The following DPYSL2 variants were observed in gnomAD, a reference collection of about 807,000 sequenced individuals.
The protein encoded by DPYSL2 is dihydropyrimidinase-related protein 2.
In DPYSL2, 13 loss-of-function variants were observed where a neutral mutation model predicts 69.9. The ratio of observed to expected loss-of-function variants is 0.19; its 90% CI spans 0.12 to 0.30. The LOEUF (loss-of-function observed/expected upper bound fraction) is 0.30, where lower values mean the gene tolerates loss of function less well. Among genes scored for constraint, DPYSL2 ranks in the 10% least tolerant of loss-of-function variants. DPYSL2 has a pLI of 1.00. For synonymous variants in DPYSL2, 326 were observed against 359.1 expected (o/e 0.91, Z 1.04); for missense variants, 587 against 918.9 (o/e 0.64, Z 4.67).
chr8:26,611,999 C>T (rs1802240269), intron 3 of DPYSL2, among the ~76,000 whole-genome samples: 1 of 152,208 alleles, frequency 6.6e-6, no homozygotes, highest in Admixed American at 6.5e-5. Context: ...GGCACCAGAC[C>T]TAAGATGGTG....
At chr8:26,561,136 G>T (rs1801063642) in intron 1 of DPYSL2, among the ~76,000 whole-genome samples, 1 of 152,168 alleles carries the variant, frequency 6.6e-6, no homozygotes, top group Non-Finnish European at 1.5e-5. Flanking sequence ...TTTCTGAGTT[G>T]ATGCCCATCG....
chr8:26,598,260 C>T lies in DPYSL2; in HGVS notation c.628+14277C>T, dbSNP rs1391168580. Among the ~76,000 whole-genome samples, 7 of 152,298 alleles carry T rather than the reference C, an allele frequency of 4.6e-5. 1 individual carries two copies. The South Asian group carries it at 8.3e-4, about 18-fold the overall frequency. Reference sequence around the variant, plus strand: ...TGTGACTTTTGCCTTCAGCAGCCATCGCATTACATCATCTACCTTTTCTTG... The same window carrying T: ...TGTGACTTTTGCCTTCAGCAGCCATTGCATTACATCATCTACCTTTTCTTG... On this transcript the variant is annotated intron_variant, in intron 3 of 13. Coordinates refer to ENST00000521913, the MANE Select transcript of DPYSL2 (RefSeq NM_001197293.3). This position sits in a 1 kb window ranked among gnomAD's most constrained non-coding sequence, Gnocchi z 4.2.
chr8:26,532,357 G>A (rs887679466), intron 1 of DPYSL2, among the ~76,000 whole-genome samples: 2 of 152,106 alleles, frequency 1.3e-5, no homozygotes, highest in Admixed American at 6.6e-5. Flanking sequence ...ATGAACTTTG[G>A]TACAAGTATT....
At chr8:26,521,181 C>T (rs1808377707) in intron 1 of DPYSL2, among the ~76,000 whole-genome samples, 1 of 152,136 alleles carries the variant, frequency 6.6e-6, no homozygotes, top group Non-Finnish European at 1.5e-5. Flanking sequence ...TAACCTAGTA[C>T]CATAGGTACT....
chr8:26,541,422 A>G (rs1344079195), intron 1 of DPYSL2, among the ~76,000 whole-genome samples: 3 of 152,170 alleles, frequency 2.0e-5, no homozygotes, highest in East Asian at 3.8e-4. Flanking sequence ...TGTTTCTTCT[A>G]TCTGAAACAA....
chr8:26,529,240 C>A (rs1331077105), intron 1 of DPYSL2, among the ~76,000 whole-genome samples: 2 of 81,432 alleles, frequency 2.5e-5, no homozygotes, highest in African/African-American at 6.5e-5. Context: ...TTAAATCTAT[C>A]TATCTATCTA....
chr8:26,627,029 G>C lies in DPYSL2; in HGVS notation c.856-186G>C, dbSNP rs189189814. 9.8e-5 allele frequency among the ~76,000 whole-genome samples: 15 copies of C among 152,292 alleles called. No individual in the cohort carries two copies. Among genetic ancestry groups the C allele is most frequent in the African/African-American group, 3.1e-4 (13 of 41,560 alleles). ...TTGTACTGCCTCTGTTAATTTCTGAGGGGTCTTTCTCCATCAAATGTGGCC... is the reference window on the plus strand; with the variant it reads ...TTGTACTGCCTCTGTTAATTTCTGACGGGTCTTTCTCCATCAAATGTGGCC... On this transcript the variant is annotated intron_variant, in intron 5 of 13. Transcript: ENST00000521913. This position sits in a 1 kb window ranked among gnomAD's most constrained non-coding sequence, Gnocchi z 6.9.
chr8:26,608,451 T>C (rs1802156605), intron 3 of DPYSL2, among the ~76,000 whole-genome samples: 1 of 152,204 alleles, frequency 6.6e-6, no homozygotes, highest in Non-Finnish European at 1.5e-5. Context: ...GAGGGATACT[T>C]TGCATCTGGA....
rs1190784745 is a variant in DPYSL2, at chr8:26,657,028, A to G, written c.*1322A>G. On this transcript the variant is annotated 3_prime_UTR_variant, in exon 14 of 14. Transcript: ENST00000521913. ...GTTAAGTATCTTTTGAGATTCTAGA[A>G]CACATGGGAGCTTTTTATTTTCGGG... 3.9e-5 allele frequency: 6 copies of G among 152,146 alleles called. No individual in the cohort carries two copies. The highest frequency in any genetic ancestry group is 2.6e-4 in the Admixed American group (4 of 15,282). The allele number at this position is 152,146 out of a possible 1,614,324, so 9.4% of individuals were successfully genotyped here. A position where few individuals can be genotyped will look rare whatever the true frequency, so the allele number is the denominator to read the frequency against.
chr8:26,600,741 ACCCTTGAGCCCT>A (rs1369387721), intron 3 of DPYSL2, among the ~76,000 whole-genome samples: 1 of 151,996 alleles, frequency 6.6e-6, no homozygotes, highest in African/African-American at 2.4e-5. Context: ...CCCACTGAGG[ACCCTTGAGCCCT>A]CCCTCTAGGG....
At chr8:26,649,412 T>G (rs1007046442) in intron 11 of DPYSL2, among the ~76,000 whole-genome samples, 1 of 152,208 alleles carries the variant, frequency 6.6e-6, no homozygotes, top group Non-Finnish European at 1.5e-5. Flanking sequence ...TTTGGAGTTC[T>G]TAACCTAGAA....
chr8:26,568,099 A>G lies in DPYSL2; in HGVS notation c.355-13870A>G, dbSNP rs1801181385. ...TGATGGTTACTAACAGCACAACTGCATTCGGCTGTTTATTCTTTCAATGAT... is the reference window on the plus strand; with the variant it reads ...TGATGGTTACTAACAGCACAACTGCGTTCGGCTGTTTATTCTTTCAATGAT... On this transcript the variant is annotated intron_variant, in intron 1 of 13. Coordinates refer to ENST00000521913, the MANE Select transcript of DPYSL2 (RefSeq NM_001197293.3). Among the ~76,000 whole-genome samples the G allele has an allele frequency of 2.0e-5, 3 of 152,186 alleles. No homozygotes were observed. In the South Asian group the frequency reaches 6.2e-4, roughly 32 times the overall value.
chr8:26,558,542 G>A (rs11135944), intron 1 of DPYSL2, among the ~76,000 whole-genome samples: 133,162 of 152,252 alleles, frequency 0.87, 58,641 homozygotes, highest in East Asian at 0.99. Context: ...TTAAAACCAT[G>A]GAATATACAA....
chr8:26,557,426 G>T (rs542856361), intron 1 of DPYSL2, among the ~76,000 whole-genome samples: 36 of 151,932 alleles, frequency 2.4e-4, no homozygotes, highest in Non-Finnish European at 4.6e-4. Context: ...ATGTACTCAC[G>T]GCAAATAAGC....
intron 1 of DPYSL2, among the ~76,000 whole-genome samples, chr8:26,570,457 T>C (rs1316758710): frequency 6.6e-6 from 1 of 152,008 alleles, no homozygotes; most frequent in Non-Finnish European, 1.5e-5. Flanking sequence ...AGAACTAGCC[T>C]TGGCCAGGCG....
intron 1 of DPYSL2, among the ~76,000 whole-genome samples, chr8:26,561,683 C>T (rs961559752): frequency 6.6e-6 from 1 of 152,144 alleles, no homozygotes; most frequent in African/African-American, 2.4e-5. Flanking sequence ...GGGACTGGGG[C>T]ATGGTTTTGG....
chr8:26,632,336 A>T (rs1802797235), intron 7 of DPYSL2, among the ~76,000 whole-genome samples: 1 of 152,260 alleles, frequency 6.6e-6, no homozygotes, highest in Non-Finnish European at 1.5e-5. Flanking sequence ...AGAAAGAGGT[A>T]GACAGAAAGT....
chr8:26,596,948 C>T (rs1048174250), intron 3 of DPYSL2, among the ~76,000 whole-genome samples: 1 of 152,194 alleles, frequency 6.6e-6, no homozygotes, highest in Non-Finnish European at 1.5e-5. Context: ...GTACAGGGCT[C>T]CTATCCATCC....
rs1453375532 is a variant in DPYSL2 at position 26,656,910 on chromosome 8, C to A, written c.*1204C>A. 2.0e-5 allele frequency: 3 copies of A among 152,420 alleles called. No homozygotes were observed. The highest frequency in any genetic ancestry group is 1.3e-4 in the Admixed American group (2 of 15,276). 9.4% of individuals were successfully genotyped at this position (152,420 alleles called of 1,614,324 possible). ...CTAAAGTCACGGTCAAACCTAAACA[C>A]CGAGCCTCATTAACCCAAGTGAACC... On this transcript the variant is annotated 3_prime_UTR_variant, in exon 14 of 14. Transcript: ENST00000521913.
Sources: gnomAD v4.1 joint callset for allele counts (sites outside exome capture counted in the v4.1 genomes callset) on GRCh38, gnomAD v4.1.1 for gene constraint, Gnocchi (gnomAD v3.1) non-coding constraint, MANE v1.5 for transcripts, NCBI Gene and HGNC (gene_info 2026-07-23, HGNC 2026-07-21) for gene names.